Variants in SQOR observed in about 807,000 individuals in gnomAD.
SQOR encodes the protein sulfide:quinone oxidoreductase, mitochondrial.
SQOR carries 39 observed loss-of-function variants against 48.6 expected under a neutral mutation model. The observed-to-expected ratio is 0.80, with a 90% CI of 0.62 to 1.05. SQOR has a LOEUF of 1.05. Ranked by LOEUF, SQOR falls within the 50% of genes least tolerant of loss-of-function variation. The pLI, the probability that SQOR is intolerant of heterozygous loss-of-function variation, is 0.00. For synonymous variants in SQOR, 220 were observed against 206.2 expected (o/e 1.07, Z -0.57); for missense variants, 561 against 559.9 (o/e 1.00, Z -0.02).
At chr15:45,657,265 A>ATTT (rs33993204) in intron 1 of SQOR, among the ~76,000 whole-genome samples, 12,079 of 147,970 alleles carry the variant, frequency 0.082, 800 homozygotes, top group African/African-American at 0.18. Context: ...TGGAGCCTGC[A>ATTT]TTTTTTTTTT....
intron 1 of SQOR, among the ~76,000 whole-genome samples, chr15:45,645,166 A>T (rs764469627): frequency 3.9e-5 from 6 of 152,238 alleles, no homozygotes; most frequent in Non-Finnish European, 8.8e-5. Context: ...TGTAAATATT[A>T]CTGGACACGT....
chr15:45,682,410 G>A, intron 6 of SQOR, 68 bp from the exon 7 acceptor site: 6 of 1,545,612 alleles, frequency 3.9e-6, no homozygotes, highest in African/African-American at 2.7e-5. Flanking sequence ...AAGGAAGGTA[G>A]GGGGAGAGCT....
chr15:45,682,731 C>T lies in SQOR; in HGVS notation c.1048+70C>T. On this transcript the variant is annotated intron_variant, in intron 7 of 9. Transcript: ENST00000260324. Reference sequence around the variant, plus strand: ...CCTCAAGGCATGATTGTAACAAAAACACAAGCTTGGCATCGGCCAGAGACG... The same window carrying T: ...CCTCAAGGCATGATTGTAACAAAAATACAAGCTTGGCATCGGCCAGAGACG... The T allele has an allele frequency of 1.9e-6, 3 of 1,559,340 alleles. No homozygotes were observed. The Admixed American group carries it at 5.2e-5, about 27-fold the overall frequency.
Position 45,638,585 on chromosome 15 carries a change from G to C in SQOR, c.-18+3477G>C, listed in dbSNP as rs142304411. 2.7e-3 allele frequency among the ~76,000 whole-genome samples: 409 copies of C among 152,154 alleles called. 1 individual carries two copies. The highest frequency in any genetic ancestry group is 9.5e-3 in the African/African-American group (393 of 41,510). On this transcript the variant is annotated intron_variant, in intron 1 of 9. Coordinates refer to ENST00000260324, the MANE Select transcript of SQOR (RefSeq NM_021199.4). ...TAAAAATTCAAAATATTAGCTGGGTGGGGTAGTGTGCACCTGTAATTCCAA... is the reference window on the plus strand; with the variant it reads ...TAAAAATTCAAAATATTAGCTGGGTCGGGTAGTGTGCACCTGTAATTCCAA...
chr15:45,645,635 G>C (rs112186830), intron 1 of SQOR, among the ~76,000 whole-genome samples: 18 of 152,338 alleles, frequency 1.2e-4, no homozygotes, highest in African/African-American at 3.8e-4. Context: ...TGTGTTGAGA[G>C]TCAACTGAAA....
chr15:45,673,189 T>A (rs1889973478), intron 4 of SQOR, among the ~76,000 whole-genome samples: 1 of 152,086 alleles, frequency 6.6e-6, no homozygotes, highest in Admixed American at 6.6e-5. Context: ...TTATCTAGAG[T>A]TTGGTCTGGT....
chr15:45,686,008 C>A (rs557730709), intron 7 of SQOR, among the ~76,000 whole-genome samples: 1 of 130,096 alleles, frequency 7.7e-6, no homozygotes, highest in African/African-American at 2.8e-5. Flanking sequence ...TGTCACCATA[C>A]CCAGCTAATT....
chr15:45,680,850 T>C (rs1890114248), intron 6 of SQOR, among the ~76,000 whole-genome samples: 1 of 152,210 alleles, frequency 6.6e-6, no homozygotes, highest in Non-Finnish European at 1.5e-5. Context: ...TTGTGTGTAC[T>C]TGTGAAATTC....
At chr15:45,661,394 T>C (rs1889718575) in intron 2 of SQOR, among the ~76,000 whole-genome samples, 1 of 151,660 alleles carries the variant, frequency 6.6e-6, no homozygotes, top group Admixed American at 6.6e-5. Flanking sequence ...ATCTGGTACT[T>C]ATTGTCTTTG....
intron 1 of SQOR, among the ~76,000 whole-genome samples, chr15:45,651,010 C>T (rs111675932): frequency 7.2e-5 from 11 of 152,312 alleles, no homozygotes; most frequent in African/African-American, 2.4e-4. Flanking sequence ...CACCGCGCAC[C>T]TGCACTCCTC....
intron 1 of SQOR, among the ~76,000 whole-genome samples, chr15:45,646,339 G>A (rs1889341026): frequency 6.6e-6 from 1 of 152,224 alleles, no homozygotes; most frequent in Admixed American, 6.5e-5. Context: ...AGGATATTCA[G>A]AAAAAGTTGC....
At chr15:45,681,317 A>G (rs1890124614) in intron 6 of SQOR, among the ~76,000 whole-genome samples, 1 of 152,238 alleles carries the variant, frequency 6.6e-6, no homozygotes, top group Non-Finnish European at 1.5e-5. Context: ...TTCAACGTTC[A>G]TGAACAGACC....
chr15:45,658,825 T>C (rs1889663987), intron 1 of SQOR, 82 bp from the exon 2 acceptor site: 3 of 1,137,776 alleles, frequency 2.6e-6, no homozygotes. Context: ...GATGCCGGCC[T>C]CCCTTCCTCC....
intron 1 of SQOR, among the ~76,000 whole-genome samples, chr15:45,647,741 T>C (rs2140940614): frequency 6.6e-6 from 1 of 151,970 alleles, no homozygotes; most frequent in South Asian, 2.1e-4. Flanking sequence ...CATGGCAAAA[T>C]CCCGCCTCTA....
Position 45,684,580 on chromosome 15 carries a change from G to A in SQOR, c.1048+1919G>A, listed in dbSNP as rs1890186923. Among the ~76,000 whole-genome samples, 4 of 144,534 alleles carry A rather than the reference G, an allele frequency of 2.8e-5. No individual in the cohort carries two copies. In the South Asian group the frequency reaches 9.4e-4, roughly 34 times the overall value. The allele number at this position is 144,534 out of a possible 152,430, so 94.8% of individuals were successfully genotyped here. A position where few individuals can be genotyped will look rare whatever the true frequency, so the allele number is the denominator to read the frequency against. The stretch of plus-strand genomic sequence containing the variant: ...TTAGTGAAGCTAGACTTCCTCACTG[G>A]GTTAAGGGGTGTTCTCTCTCTCTCT... On this transcript the variant is annotated intron_variant, in intron 7 of 9. Coordinates refer to ENST00000260324, the MANE Select transcript of SQOR (RefSeq NM_021199.4).
chr15:45,643,222 G>T (rs1895136798), intron 1 of SQOR, among the ~76,000 whole-genome samples: 1 of 152,144 alleles, frequency 6.6e-6, no homozygotes, highest in Non-Finnish European at 1.5e-5. Context: ...TTGAGATGGA[G>T]TCTTGCTCTG....
chr15:45,667,946 T>C (rs201803200), intron 3 of SQOR, among the ~76,000 whole-genome samples: 20,439 of 132,278 alleles, frequency 0.15, 1,034 homozygotes, highest in East Asian at 0.34. Flanking sequence ...TCTTTCTTTT[T>C]TTTTTTTTTT....
rs28401482 is a variant in SQOR at position 45,669,176 on chromosome 15, T to A, written c.406-752T>A. Among the ~76,000 whole-genome samples, 1,047 of 136,162 alleles carry A rather than the reference T, an allele frequency of 7.7e-3. 15 individuals carry two copies. Among genetic ancestry groups the A allele is most frequent in the African/African-American group, 0.025 (961 of 38,834 alleles). The allele number at this position is 136,162 out of a possible 152,430, so 89.3% of individuals were successfully genotyped here. ...TATATATATATTTTTTATTTTTTTT[T>A]AATTTTTTTTTGAGACAGGGTCTCA... On this transcript the variant is annotated intron_variant, in intron 3 of 9. Coordinates refer to ENST00000260324, the MANE Select transcript of SQOR (RefSeq NM_021199.4).
At chr15:45,634,198 CTATA>C (rs60889862), upstream of SQOR, among the ~76,000 whole-genome samples, 1,632 of 43,848 alleles carry the variant, frequency 0.037, 269 homozygotes, top group South Asian at 0.23. Context: ...ACAACAACAA[CTATA>C]TATATATATA....
Sources: allele counts gnomAD v4.1 joint callset (sites outside exome capture counted in the v4.1 genomes callset), GRCh38; gene constraint gnomAD v4.1.1; transcripts MANE v1.5; gene names NCBI Gene and HGNC (gene_info 2026-07-23, HGNC 2026-07-21).